The following RGS5 variants were observed in gnomAD, a reference collection of about 807,000 sequenced individuals.
RGS5 encodes the protein regulator of G protein signaling 5.
RGS5 carries 20 observed loss-of-function variants against 18.9 expected under a neutral mutation model. That is an observed-to-expected ratio of 1.06 (90% CI 0.74 to 1.54). The LOEUF (loss-of-function observed/expected upper bound fraction) is 1.54. Among genes scored for constraint, RGS5 ranks in the 40% most tolerant of loss-of-function variants. RGS5 has a pLI of 0.00. For synonymous variants in RGS5, 57 were observed against 76.2 expected (o/e 0.75, Z 1.31); for missense variants, 201 against 211.8 (o/e 0.95, Z 0.32).
At chr1:163,266,287 T>C (rs1007161886) in intron 2 of RGS5, among the ~76,000 whole-genome samples, 1 of 152,196 alleles carries the variant, frequency 6.6e-6, no homozygotes, top group Non-Finnish European at 1.5e-5. Context: ...CTGTTTAATA[T>C]GTCTCATATT....
chr1:163,274,772 T>G (rs187099943), intron 2 of RGS5, among the ~76,000 whole-genome samples: 3 of 152,268 alleles, frequency 2.0e-5, no homozygotes, highest in Non-Finnish European at 2.9e-5. Context: ...GATAATTGAA[T>G]TGGTTAGTGT....
At chr1:163,193,133 C>A (rs897238545) in intron 1 of RGS5, among the ~76,000 whole-genome samples, 4 of 152,128 alleles carry the variant, frequency 2.6e-5, no homozygotes, top group African/African-American at 9.7e-5. Context: ...TTTTCTTCTT[C>A]TGACTCTAAT....
intron 2 of RGS5, among the ~76,000 whole-genome samples, chr1:163,286,043 T>C (rs1389159904): frequency 2.0e-5 from 3 of 151,764 alleles, no homozygotes; most frequent in Non-Finnish European, 4.4e-5. Context: ...CCCCACTATA[T>C]ATATATATAC....
At chr1:163,194,237 ATATG>A (rs1659471506) in intron 1 of RGS5, among the ~76,000 whole-genome samples, 1 of 152,184 alleles carries the variant, frequency 6.6e-6, no homozygotes, top group Non-Finnish European at 1.5e-5. Context: ...TTTTAAAGAA[ATATG>A]GGGTTCTTAA....
intron 1 of RGS5, among the ~76,000 whole-genome samples, chr1:163,171,345 C>A (rs947627470): frequency 1.6e-4 from 25 of 152,106 alleles, no homozygotes; most frequent in Admixed American, 5.9e-4. Context: ...CCACCCAGTC[C>A]GTGAAAACCT....
intron 2 of RGS5, among the ~76,000 whole-genome samples, chr1:163,274,388 A>G (rs1648799795): frequency 7.5e-6 from 1 of 132,864 alleles, no homozygotes; most frequent in Non-Finnish European, 1.8e-5. Context: ...TTCATACGCC[A>G]AAAGGGTAGC....
intron 2 of RGS5, among the ~76,000 whole-genome samples, chr1:163,266,942 T>C (rs1648586751): frequency 2.0e-5 from 3 of 152,030 alleles, no homozygotes; most frequent in Admixed American, 2.0e-4. Flanking sequence ...TATCATATTA[T>C]AAAAAATAGG....
At chr1:163,241,269 C>T (rs1256138106) in intron 2 of RGS5, among the ~76,000 whole-genome samples, 1 of 152,086 alleles carries the variant, frequency 6.6e-6, no homozygotes, top group Non-Finnish European at 1.5e-5. Flanking sequence ...TTAACTGTAT[C>T]CCCAGTTCTT....
chr1:163,255,023 C>G (rs1354546709), intron 2 of RGS5, among the ~76,000 whole-genome samples: 1 of 152,136 alleles, frequency 6.6e-6, no homozygotes, highest in Non-Finnish European at 1.5e-5. Context: ...GTTTTGGTAC[C>G]AGTACCATGC....
At chr1:163,246,146 A>G (rs1443215834) in intron 2 of RGS5, among the ~76,000 whole-genome samples, 6 of 151,844 alleles carry the variant, frequency 4.0e-5, no homozygotes, top group South Asian at 2.1e-4. Flanking sequence ...AAGTAAACCC[A>G]GGAGGCGGAG....
chr1:163,315,199 T>C (rs934344125), intron 1 of RGS5, among the ~76,000 whole-genome samples: 2 of 151,050 alleles, frequency 1.3e-5, no homozygotes, highest in Non-Finnish European at 3.0e-5. Flanking sequence ...ATTAACTCAT[T>C]TGAAATAACT....
intron 2 of RGS5, among the ~76,000 whole-genome samples, chr1:163,294,076 G>C (rs917119778): frequency 1.6e-4 from 24 of 152,180 alleles, no homozygotes; most frequent in African/African-American, 5.8e-4. Flanking sequence ...AGGTGTACAG[G>C]GCAAGATGTC....
At position 163,297,811 on chromosome 1, in the gene RGS5, CCCAATAG is replaced by C. The variant is rs1649458703; in HGVS notation, c.-281+8415_-281+8421del. 2.6e-5 allele frequency among the ~76,000 whole-genome samples: 4 copies of C among 152,128 alleles called. No individual in the cohort carries two copies. The South Asian group carries it at 8.3e-4, about 32-fold the overall frequency. ...AACAAGAAACAAAATGAAATATATT[CCCAATAG>C]TTTCACAAAACAATTAAATCATAAC... On this transcript the variant is annotated intron_variant, in intron 2 of 5. Coordinates refer to the RGS5 transcript ENST00000618415.
At chr1:163,289,894 G>A (rs1339135285) in intron 2 of RGS5, among the ~76,000 whole-genome samples, 1 of 152,140 alleles carries the variant, frequency 6.6e-6, no homozygotes, top group East Asian at 1.9e-4. Flanking sequence ...CAAGCTGCAA[G>A]CATAGGTAAG....
rs192189511 is a variant in RGS5, at chr1:163,147,383, G to C, written c.505C>G (p.Arg169Gly). ...TGATAAAACTCAGAGCGCACAAAGCGAGGCAGAGAATCCTTTTCCATCAGG... is the reference window on the plus strand; with the variant it reads ...TGATAAAACTCAGAGCGCACAAAGCCAGGCAGAGAATCCTTTTCCATCAGG... ...HALMEKDSLP[R>G]FVRSEFYQEL... is the part of the protein sequence containing the mutation. Residue 169 changes from arginine (R) to glycine (G), a missense_variant, in exon 5 of 5, where the codon CGC (arginine) becomes GGC (glycine). By Grantham distance (125) the Arg-to-Gly change is moderately radical. Coordinates refer to ENST00000313961, the MANE Select transcript of RGS5 (RefSeq NM_003617.4). 3.1e-6 allele frequency: 5 copies of C among 1,611,522 alleles called. No individual in the cohort carries two copies. The highest frequency in any genetic ancestry group is 4.2e-6 in the Non-Finnish European group (5 of 1,178,900).
At chr1:163,172,283 G>A (rs999424448) in intron 1 of RGS5, among the ~76,000 whole-genome samples, 6 of 152,186 alleles carry the variant, frequency 3.9e-5, no homozygotes, top group Admixed American at 1.3e-4. Flanking sequence ...ATTTAAAGAC[G>A]TGGCATCCTA....
chr1:163,256,988 TC>T (rs1488191691), intron 2 of RGS5, among the ~76,000 whole-genome samples: 1 of 152,216 alleles, frequency 6.6e-6, no homozygotes, highest in East Asian at 1.9e-4. Flanking sequence ...TGCTCAAATT[TC>T]TTTTTCATCA....
chr1:163,199,575 T>TA (rs1033546114), intron 1 of RGS5, among the ~76,000 whole-genome samples: 4 of 151,962 alleles, frequency 2.6e-5, no homozygotes, highest in Admixed American at 6.6e-5. Flanking sequence ...TTTTGTTGTT[T>TA]AAAAAAAAGT....
intron 2 of RGS5, among the ~76,000 whole-genome samples, chr1:163,275,095 G>C (rs1648819542): frequency 6.6e-6 from 1 of 152,158 alleles, no homozygotes; most frequent in Admixed American, 6.5e-5. Flanking sequence ...CAGACTGTGA[G>C]ACAGAGCAAA....
Sources: allele counts gnomAD v4.1 joint callset (sites outside exome capture counted in the v4.1 genomes callset), GRCh38; gene constraint gnomAD v4.1.1; transcripts MANE v1.5; gene names NCBI Gene and HGNC (gene_info 2026-07-23, HGNC 2026-07-21).